ABCG2: variants seen among roughly 807,000 people sequenced by gnomAD.
ABCG2 encodes broad substrate specificity ATP-binding cassette transporter ABCG2.
ABCG2 carries 80 observed loss-of-function variants against 73.5 expected under a neutral mutation model. The ratio of observed to expected loss-of-function variants is 1.09; its 90% CI spans 0.91 to 1.31. The LOEUF (loss-of-function observed/expected upper bound fraction) is 1.31. Ranked by LOEUF, ABCG2 falls within the 50% of genes most tolerant of loss-of-function variation. ABCG2 has a pLI of 0.00. For missense variants in ABCG2, 796 were observed against 786.2 expected (o/e 1.01, Z -0.15); for synonymous variants, 269 against 282.4 (o/e 0.95, Z 0.48).
intron 1 of ABCG2, among the ~76,000 whole-genome samples, chr4:88,212,321 C>T (rs1475709707): frequency 6.6e-6 from 1 of 152,166 alleles, no homozygotes; most frequent in Non-Finnish European, 1.5e-5. Flanking sequence ...TGCATGGTTG[C>T]TGCCATCTTC....
intron 1 of ABCG2, among the ~76,000 whole-genome samples, chr4:88,164,565 T>C (rs187319600): frequency 1.1e-4 from 16 of 152,314 alleles, no homozygotes; most frequent in Admixed American, 3.3e-4. Context: ...ATGTGTTTGC[T>C]TCCCCTTCTG....
At chr4:88,158,838 G>A (rs913681312), upstream of ABCG2, 12 of 334,680 alleles carry the variant, frequency 3.6e-5, no homozygotes, top group African/African-American at 2.6e-4. Flanking sequence ...ACATCCAGGG[G>A]ACGAGCTCAG....
At chr4:88,105,471 G>A (rs1722710782) in intron 10 of ABCG2, among the ~76,000 whole-genome samples, 1 of 152,150 alleles carries the variant, frequency 6.6e-6, no homozygotes. Context: ...GAGTGCTTAT[G>A]TTCAGAACAC....
At chr4:88,132,149 T>G (rs990517359) in intron 3 of ABCG2, among the ~76,000 whole-genome samples, 1 of 152,160 alleles carries the variant, frequency 6.6e-6, no homozygotes, top group African/African-American at 2.4e-5. Context: ...CCCCAAAACA[T>G]AAAGCAAGAC....
intron 10 of ABCG2, 63 bp downstream of exon 10, chr4:88,107,121 G>T: frequency 1.6e-6 from 2 of 1,222,446 alleles, no homozygotes; most frequent in East Asian, 2.4e-5. Context: ...ATTCTTAATG[G>T]ATTTCAATAA....
chr4:88,128,620 A>C (rs1281541619), intron 5 of ABCG2, among the ~76,000 whole-genome samples: 1 of 152,230 alleles, frequency 6.6e-6, no homozygotes, highest in Non-Finnish European at 1.5e-5. Flanking sequence ...TGTCCTTTGC[A>C]GGGACATGGA....
intron 1 of ABCG2, among the ~76,000 whole-genome samples, chr4:88,195,593 G>A (rs943874263): frequency 6.6e-6 from 1 of 152,160 alleles, no homozygotes; most frequent in Non-Finnish European, 1.5e-5. Flanking sequence ...TTTAGAGCAG[G>A]AGTAAAAGTT....
chr4:88,129,544 C>T (rs951921860), intron 5 of ABCG2, among the ~76,000 whole-genome samples: 1 of 152,058 alleles, frequency 6.6e-6, no homozygotes, highest in Non-Finnish European at 1.5e-5. Context: ...AAGATAAAAT[C>T]AAACAGAACC....
intron 1 of ABCG2, among the ~76,000 whole-genome samples, chr4:88,144,449 C>CTTTTTTTTTTT (rs59434855): frequency 7.7e-5 from 6 of 77,594 alleles, no homozygotes; most frequent in Admixed American, 1.9e-4. Flanking sequence ...CACATTTTTA[C>CTTTTTTTTTTT]TTTTTTTTTT....
At chr4:88,127,563 A>G (rs1401672527) in intron 5 of ABCG2, among the ~76,000 whole-genome samples, 1 of 152,202 alleles carries the variant, frequency 6.6e-6, no homozygotes, top group East Asian at 1.9e-4. Context: ...TGGTACTGGT[A>G]CCAAAACAGA....
At chr4:88,130,520 T>C (rs898630151) in intron 5 of ABCG2, among the ~76,000 whole-genome samples, 2 of 152,058 alleles carry the variant, frequency 1.3e-5, no homozygotes, top group African/African-American at 4.8e-5. Flanking sequence ...TGTAATGCAC[T>C]TGAATTATCC....
At chr4:88,093,833 T>C (rs1162188296) in intron 15 of ABCG2, among the ~76,000 whole-genome samples, 1 of 152,180 alleles carries the variant, frequency 6.6e-6, no homozygotes, top group Non-Finnish European at 1.5e-5. Flanking sequence ...ATCAAACCAT[T>C]AGCAATCATA....
At chr4:88,133,239 C>T (rs1578211983) in intron 2 of ABCG2, among the ~76,000 whole-genome samples, 1 of 152,026 alleles carries the variant, frequency 6.6e-6, no homozygotes. Context: ...ATTAATAAGT[C>T]GCTAATTTGT....
intron 6 of ABCG2, among the ~76,000 whole-genome samples, 188 bp from the exon 7 acceptor site, chr4:88,118,448 T>C (rs1035683864): frequency 3.3e-5 from 5 of 152,218 alleles, no homozygotes; most frequent in Non-Finnish European, 5.9e-5. Context: ...TAAAACAGAA[T>C]AGGAATTTTC....
Position 88,091,410 on chromosome 4 carries a change from G to C in ABCG2, c.*824C>G, listed in dbSNP as rs980163929. 6.6e-6 allele frequency: 1 copy of C among 152,084 alleles called. No homozygotes were observed. The highest frequency in any genetic ancestry group is 1.5e-5 in the Non-Finnish European group (1 of 68,014). 9.4% of individuals were successfully genotyped at this position (152,084 alleles called of 1,614,324 possible). A position where few individuals can be genotyped will look rare whatever the true frequency, so the allele number is the denominator to read the frequency against. On this transcript the variant is annotated 3_prime_UTR_variant, in exon 16 of 16. Transcript: ENST00000237612. ...AGAACTTGGAAATTACCAAATCCAGGAGTGGTCAGATTCCTTTATGAAGGT... is the reference window on the plus strand; with the variant it reads ...AGAACTTGGAAATTACCAAATCCAGCAGTGGTCAGATTCCTTTATGAAGGT...
Position 88,131,219 on chromosome 4 carries a change from G to C in ABCG2, c.379-6C>G, listed in dbSNP as rs751179663. ...GTGCCCATCACAACATCATCCTTAA[G>C]GCAAATAGCATTTTAATGAGACATA... On this transcript the variant is annotated splice_region_variant and splice_polypyrimidine_tract_variant and intron_variant, in intron 4 of 15. Coordinates refer to ENST00000237612, the MANE Select transcript of ABCG2 (RefSeq NM_004827.3). 5 of 1,613,390 alleles carry C rather than the reference G, an allele frequency of 3.1e-6. No individual in the cohort carries two copies. In the South Asian group the frequency reaches 5.5e-5, roughly 18 times the overall value.
chr4:88,146,680 C>T (rs955212291), intron 1 of ABCG2, among the ~76,000 whole-genome samples: 3 of 152,146 alleles, frequency 2.0e-5, no homozygotes, highest in Non-Finnish European at 4.4e-5. Flanking sequence ...AGGCATGAGT[C>T]ACCGTGCTTG....
chr4:88,106,466 T>C (rs189222463), intron 10 of ABCG2, among the ~76,000 whole-genome samples: 1 of 152,290 alleles, frequency 6.6e-6, no homozygotes, highest in East Asian at 1.9e-4. Context: ...ACATGCTACA[T>C]GAATGAGCCA....
intron 1 of ABCG2, among the ~76,000 whole-genome samples, chr4:88,189,708 C>T (rs1451794013): frequency 6.6e-6 from 1 of 152,076 alleles, no homozygotes; most frequent in East Asian, 1.9e-4. Flanking sequence ...TTTACTTTCT[C>T]CTTTCCAATT....
Sources: gnomAD v4.1 joint callset for allele counts (sites outside exome capture counted in the v4.1 genomes callset) on GRCh38, gnomAD v4.1.1 for gene constraint, MANE v1.5 for transcripts, NCBI Gene and HGNC (gene_info 2026-07-23, HGNC 2026-07-21) for gene names.